The following SUPT3H variants were observed in gnomAD, a reference collection of about 807,000 sequenced individuals.
SUPT3H encodes SPT3 homolog, SAGA and STAGA complex component.
A neutral mutation model predicts 44.3 loss-of-function variants in SUPT3H; 44 were observed. The observed-to-expected ratio is 0.99, with a 90% confidence interval of 0.78 to 1.28. The LOEUF (loss-of-function observed/expected upper bound fraction) is 1.28. Ranked by LOEUF, SUPT3H falls within the 50% of genes most tolerant of loss-of-function variation. The pLI is 0.00. For synonymous variants in SUPT3H, 124 were observed against 125.6 expected (o/e 0.99, Z 0.09); for missense variants, 380 against 387.1 (o/e 0.98, Z 0.15).
chr6:45,076,020 CATTT>C (rs1282279428), intron 3 of SUPT3H, among the ~76,000 whole-genome samples: 5 of 152,046 alleles, frequency 3.3e-5, no homozygotes, highest in African/African-American at 1.2e-4. Flanking sequence ...CAAGTTTCTA[CATTT>C]ATTAACCTCA....
chr6:45,112,298 C>G (rs569374774), intron 2 of SUPT3H, among the ~76,000 whole-genome samples: 7 of 149,282 alleles, frequency 4.7e-5, no homozygotes, highest in Non-Finnish European at 1.5e-5. Flanking sequence ...AGTAACAGAA[C>G]GAAATAAATA....
downstream of SUPT3H, among the ~76,000 whole-genome samples, chr6:44,825,107 G>T (rs142406856): frequency 6.6e-6 from 1 of 152,276 alleles, no homozygotes; most frequent in East Asian, 1.9e-4. Flanking sequence ...GGGGAAATCT[G>T]GTCTTCAGAA....
intron 2 of SUPT3H, among the ~76,000 whole-genome samples, chr6:45,141,539 C>G (rs144771442): frequency 6.6e-6 from 1 of 151,322 alleles, no homozygotes; most frequent in African/African-American, 2.4e-5. Context: ...AAATGAAAGA[C>G]ACACTTAGAG....
intron 2 of SUPT3H, among the ~76,000 whole-genome samples, chr6:45,127,063 C>A (rs1487495059): frequency 2.0e-5 from 3 of 152,150 alleles, no homozygotes; most frequent in Non-Finnish European, 4.4e-5. Context: ...CGCCTGTAAT[C>A]CCAGCACTTT....
chr6:45,133,505 G>A (rs1001178005), intron 2 of SUPT3H, among the ~76,000 whole-genome samples: 1 of 152,034 alleles, frequency 6.6e-6, no homozygotes, highest in Non-Finnish European at 1.5e-5. Context: ...CTTGATGGGA[G>A]GACAACAAAT....
rs147761037 is a variant in SUPT3H at position 44,820,611 on chromosome 6, C to G, written c.*52+9153G>C. On this transcript the variant is annotated intron_variant and NMD_transcript_variant, in intron 11 of 11. Transcript: ENST00000475057. ...TACTGACTCAACACGTATTATGTGT[C>G]ATGCACTGTTCTAAGTGCTGGGATA... Among the ~76,000 whole-genome samples the G allele has an allele frequency of 6.8e-3, 1,042 of 152,318 alleles. 5 individuals carry two copies. The highest frequency in any genetic ancestry group is 0.01 in the Non-Finnish European group (695 of 68,032).
chr6:45,014,533 T>C (rs141343505), intron 5 of SUPT3H, among the ~76,000 whole-genome samples: 331 of 152,284 alleles, frequency 2.2e-3, no homozygotes, highest in Non-Finnish European at 3.4e-3. Context: ...GCATTCACTA[T>C]GTGCTCCATA....
At chr6:45,295,524 C>CAAAAAAAAAAAAAAAAAAAA (rs752887669) in intron 2 of SUPT3H, among the ~76,000 whole-genome samples, 7 of 40,086 alleles carry the variant, frequency 1.7e-4, no homozygotes, top group Non-Finnish European at 2.6e-4. Flanking sequence ...TTTTGCACAG[C>CAAAAAAAAAAAAAAAAAAAA]AAAAAAAAAA....
At chr6:44,822,219 A>C (rs960360046), downstream of SUPT3H, among the ~76,000 whole-genome samples, 1 of 152,176 alleles carries the variant, frequency 6.6e-6, no homozygotes, top group African/African-American at 2.4e-5. Context: ...CTTGATTTTC[A>C]TAGGTGCCAA....
intron 2 of SUPT3H, among the ~76,000 whole-genome samples, chr6:45,340,359 T>C (rs966210282): frequency 1.3e-5 from 2 of 152,130 alleles, no homozygotes; most frequent in African/African-American, 4.8e-5. Flanking sequence ...GGTCTCACTC[T>C]GTCACCCAGG....
At chr6:45,151,708 C>A (rs1326144243) in intron 2 of SUPT3H, among the ~76,000 whole-genome samples, 1 of 152,068 alleles carries the variant, frequency 6.6e-6, no homozygotes, top group African/African-American at 2.4e-5. Context: ...TTTTCTAAAT[C>A]AAAGTATTTT....
intron 10 of SUPT3H, among the ~76,000 whole-genome samples, chr6:44,845,249 A>G (rs778959847): frequency 6.6e-6 from 1 of 152,214 alleles, no homozygotes; most frequent in African/African-American, 2.4e-5. Context: ...AGAAAAACAG[A>G]TACGTGAGGC....
intron 6 of SUPT3H, among the ~76,000 whole-genome samples, chr6:44,983,935 T>C (rs1779431499): frequency 1.3e-5 from 2 of 152,198 alleles, no homozygotes; most frequent in Admixed American, 1.3e-4. Flanking sequence ...TGTAGCTTTT[T>C]AAAGAAAATT....
intron 2 of SUPT3H, among the ~76,000 whole-genome samples, chr6:45,285,101 T>G (rs1174493330): frequency 1.3e-5 from 2 of 151,680 alleles, no homozygotes; most frequent in Non-Finnish European, 2.9e-5. Flanking sequence ...CTCAAAATAA[T>G]AAGAGCTATC....
At chr6:44,896,325 C>T (rs1407667317) in intron 10 of SUPT3H, among the ~76,000 whole-genome samples, 2 of 152,158 alleles carry the variant, frequency 1.3e-5, no homozygotes, top group Non-Finnish European at 1.5e-5. Flanking sequence ...ATTATTAACA[C>T]TTAGGGTCCT....
intron 2 of SUPT3H, among the ~76,000 whole-genome samples, chr6:45,154,851 A>G (rs902200979): frequency 1.3e-5 from 2 of 152,068 alleles, no homozygotes; most frequent in African/African-American, 2.4e-5. Context: ...TCCCCTATTA[A>G]TCTGCCTTTT....
At chr6:45,040,442 T>C (rs1270202790) in intron 3 of SUPT3H, among the ~76,000 whole-genome samples, 1 of 152,164 alleles carries the variant, frequency 6.6e-6, no homozygotes, top group Admixed American at 6.6e-5. Flanking sequence ...CAATAAGAAA[T>C]AGTTGTTTGA....
At chr6:44,821,407 G>C (rs1313074181) in intron 11 of SUPT3H, among the ~76,000 whole-genome samples, 1 of 152,156 alleles carries the variant, frequency 6.6e-6, no homozygotes, top group Non-Finnish European at 1.5e-5. Context: ...AAAAATTTGA[G>C]ATCCAACTGA....
intron 2 of SUPT3H, among the ~76,000 whole-genome samples, chr6:45,138,400 T>C (rs1467151542): frequency 6.6e-6 from 1 of 152,118 alleles, no homozygotes; most frequent in Non-Finnish European, 1.5e-5. Context: ...AAGATTTGAA[T>C]GCAGATTTTC....
Sources: gnomAD v4.1 joint callset for allele counts (sites outside exome capture counted in the v4.1 genomes callset) on GRCh38, gnomAD v4.1.1 for gene constraint, MANE v1.5 for transcripts, NCBI Gene and HGNC (gene_info 2026-07-23, HGNC 2026-07-21) for gene names.